The following RBM20 variants were observed in gnomAD, a reference collection of about 807,000 sequenced individuals.
RBM20 encodes RNA-binding protein 20.
RBM20 carries 51 observed loss-of-function variants against 110.1 expected under a neutral mutation model. That is an observed-to-expected ratio of 0.46 (90% confidence interval 0.37 to 0.59). The LOEUF is 0.59. RBM20 is among the 20% of genes least tolerant of loss of function. RBM20 has a pLI of 0.00. For synonymous variants in RBM20, 589 were observed against 618.2 expected (o/e 0.95, Z 0.70); for missense variants, 1,512 against 1,574.9 (o/e 0.96, Z 0.68).
At chr10:110,693,839 G>A (rs1285184068) in intron 1 of RBM20, among the ~76,000 whole-genome samples, 4 of 152,064 alleles carry the variant, frequency 2.6e-5, no homozygotes, top group African/African-American at 9.7e-5. Flanking sequence ...TAGATTACAG[G>A]GCCTCTGTGG....
intron 2 of RBM20, 133 bp downstream of exon 2, chr10:110,782,017 G>T: frequency 9.0e-7 from 1 of 1,106,238 alleles, no homozygotes; most frequent in South Asian, 1.5e-5. Flanking sequence ...CAGTATTCTT[G>T]ACTAAAATCA....
At chr10:110,684,137 G>A (rs939323304) in intron 1 of RBM20, among the ~76,000 whole-genome samples, 12 of 152,240 alleles carry the variant, frequency 7.9e-5, no homozygotes, top group Admixed American at 6.5e-5. Context: ...GCTCATGCCT[G>A]TAATCCCAGC....
intron 10 of RBM20, among the ~76,000 whole-genome samples, chr10:110,820,630 C>T (rs1439784806): frequency 6.6e-6 from 1 of 152,162 alleles, no homozygotes; most frequent in East Asian, 1.9e-4. Context: ...TGAAAAAATC[C>T]AGTTACAGTT....
At chr10:110,789,910 G>C (rs1844463343) in intron 5 of RBM20, among the ~76,000 whole-genome samples, 1 of 152,142 alleles carries the variant, frequency 6.6e-6, no homozygotes, top group Admixed American at 6.5e-5. Flanking sequence ...CAGCCTGTTA[G>C]TAGTTTTTGT....
intron 1 of RBM20, among the ~76,000 whole-genome samples, chr10:110,647,786 T>G (rs532794934): frequency 6.6e-6 from 1 of 152,234 alleles, no homozygotes; most frequent in African/African-American, 2.4e-5. Flanking sequence ...CCTTTATTTA[T>G]AAGAAGTTAT....
In RBM20 at chr10:110,821,588, G is replaced by A. The variant is rs1244868910; in HGVS notation, c.2969G>A (p.Ser990Asn). 2 of 1,550,792 alleles carry A rather than the reference G, an allele frequency of 1.3e-6. No homozygotes were observed. Among genetic ancestry groups the A allele is most frequent in the Admixed American group, 2.0e-5 (1 of 50,982 alleles). ...AGAGAACTGCCCTCTGCTTCCACAA[G>A]CTGTCCCAGTGACATGGACGTGGAA... ...SPRELPSAST[S>N]CPSDMDVEMP... The change falls in exon 11 of 14, where the codon AGC (serine) becomes AAC (asparagine). Residue 990 changes from serine (S) to asparagine (N), a missense_variant. By Grantham distance (46) the Ser-to-Asn change is conservative. This residue lies in a region of RBM20 where 358 missense variants were observed against 384.2 expected (regional missense o/e 0.93). Transcript: ENST00000369519.
At chr10:110,787,514 G>A (rs1844434192) in intron 5 of RBM20, among the ~76,000 whole-genome samples, 1 of 152,216 alleles carries the variant, frequency 6.6e-6, no homozygotes, top group African/African-American at 2.4e-5. Flanking sequence ...CCGAGTCTTG[G>A]TATCAGTGTT....
At chr10:110,646,370 A>G (rs2134796628) in intron 1 of RBM20, among the ~76,000 whole-genome samples, 1 of 152,318 alleles carries the variant, frequency 6.6e-6, no homozygotes, top group East Asian at 1.9e-4. Flanking sequence ...TACCCTCTAA[A>G]TTCATCCCCC....
chr10:110,835,767 G>C, intron 13 of RBM20, 101 bp from the exon 14 acceptor site: 1 of 1,229,600 alleles, frequency 8.1e-7, no homozygotes, highest in Non-Finnish European at 1.1e-6. Flanking sequence ...GCTGGGCACA[G>C]ATGCCAGGAG....
In RBM20 at chr10:110,831,467, T is replaced by A. The variant is rs535641807; in HGVS notation, c.3573+285T>A. 7.8e-5 allele frequency: 23 copies of A among 294,564 alleles called. No individual in the cohort carries two copies. In the South Asian group the frequency reaches 1.4e-3, roughly 18 times the overall value. 18.2% of individuals were successfully genotyped at this position (294,564 alleles called of 1,614,324 possible). On this transcript the variant is annotated intron_variant, in intron 13 of 13. Transcript: ENST00000369519. ...TACCTCCTGTGTTGCTCCTAGCACA[T>A]GTCTCTACTTTAATACCTAAAACAT...
intron 1 of RBM20, among the ~76,000 whole-genome samples, chr10:110,692,038 A>G (rs982148642): frequency 7.9e-5 from 12 of 152,266 alleles, no homozygotes; most frequent in Admixed American, 7.9e-4. Context: ...TGCTTTCCCC[A>G]TTGAATGGCC....
chr10:110,821,194 T>A, intron 10 of RBM20, 81 bp from the exon 11 acceptor site: 1 of 1,153,350 alleles, frequency 8.7e-7, no homozygotes, highest in Non-Finnish European at 1.2e-6. Context: ...CTGATTTGAG[T>A]GGTCCTTATG....
chr10:110,676,431 G>A (rs1206625917), intron 1 of RBM20, among the ~76,000 whole-genome samples: 1 of 152,144 alleles, frequency 6.6e-6, no homozygotes, highest in Non-Finnish European at 1.5e-5. Flanking sequence ...TAGACAACAT[G>A]CATAAAAGGA....
chr10:110,701,180 AT>A (rs1340981041), intron 1 of RBM20, among the ~76,000 whole-genome samples: 1 of 152,030 alleles, frequency 6.6e-6, no homozygotes, highest in Non-Finnish European at 1.5e-5. Flanking sequence ...CGGGGGTTCC[AT>A]TTTCCTGGTG....
chr10:110,723,063 G>T (rs1004241066), intron 1 of RBM20, among the ~76,000 whole-genome samples: 3 of 149,626 alleles, frequency 2.0e-5, no homozygotes, highest in Non-Finnish European at 4.4e-5. Flanking sequence ...AGTGAGCCGA[G>T]ATCACCTCAC....
Position 110,821,464 on chromosome 10 carries a change from G to T in RBM20, c.2845G>T (p.Val949Leu), listed in dbSNP as rs1844908453. ...DKICPETCLCVTTTLDLDLAQ... is the reference protein window; with the variant it reads ...DKICPETCLCLTTTLDLDLAQ... ...AATTTGCCCAGAAACATGTCTGTGT[G>T]TGACAACCACCTTAGACTTAGACCT... Residue 949 changes from valine (V) to leucine (L), a missense_variant, in exon 11 of 14, where the codon GTG (valine) becomes TTG (leucine). Physicochemically the swap from Val to Leu is conservative, Grantham distance 32. This residue lies in a region of RBM20 where 358 missense variants were observed against 384.2 expected (regional missense o/e 0.93). Transcript: ENST00000369519. 1 of 1,551,874 alleles carries T rather than the reference G, an allele frequency of 6.4e-7. No homozygotes were observed. Among genetic ancestry groups the T allele is most frequent in the African/African-American group, 1.4e-5 (1 of 73,184 alleles).
intron 1 of RBM20, among the ~76,000 whole-genome samples, chr10:110,666,787 A>ACAAT (rs746467890): frequency 1.3e-5 from 2 of 152,218 alleles, no homozygotes; most frequent in African/African-American, 2.4e-5. Flanking sequence ...AAACTATTGT[A>ACAAT]GGATTGTTTA....
Position 110,644,623 on chromosome 10 carries a change from G to A in RBM20, c.169G>A (p.Gly57Ser), listed in dbSNP as rs1395898788. 9.7e-6 allele frequency: 13 copies of A among 1,338,476 alleles called. No individual in the cohort carries two copies. In the East Asian group the frequency reaches 1.3e-4, roughly 13 times the overall value. The allele number at this position is 1,338,476 out of a possible 1,614,324, so 82.9% of individuals were successfully genotyped here. A position where few individuals can be genotyped will look rare whatever the true frequency, so the allele number is the denominator to read the frequency against. ...PPQPPPPPQA[G>S]LPQIIQNAAK... is the part of the protein sequence containing the mutation. ...CCAGCCACCGCCCCCGCCCCAAGCCGGCCTACCCCAGATCATCCAAAAGTA... is the reference window on the plus strand; with the variant it reads ...CCAGCCACCGCCCCCGCCCCAAGCCAGCCTACCCCAGATCATCCAAAAGTA... The change falls in exon 1 of 14, where the codon GGC becomes AGC. Residue 57 changes from glycine to serine, a missense_variant. Physicochemically the swap from Gly to Ser is moderately conservative, Grantham distance 56. Around this residue, in one of 3 missense-constraint regions of RBM20, gnomAD observed 1,149 missense variants for 1,169.4 expected, o/e 0.98. Transcript: ENST00000369519. This position sits in a 1 kb window ranked among gnomAD's most constrained non-coding sequence, Gnocchi z 4.3.
rs189645207 is a variant in RBM20 at position 110,786,841 on chromosome 10, G to T, written c.1527+1952G>T. On this transcript the variant is annotated intron_variant, in intron 5 of 13. Transcript: ENST00000369519. The stretch of plus-strand genomic sequence containing the variant: ...GGGAGGCTGGATTGAGTGTCAGGTG[G>T]GCAGGGGGCAGGGCTTGTAAATTGA... Among the ~76,000 whole-genome samples the T allele has an allele frequency of 3.6e-3, 542 of 152,334 alleles. 2 individuals carry two copies. The highest frequency in any genetic ancestry group is 0.013 in the African/African-American group (522 of 41,572).
Sources: allele counts gnomAD v4.1 joint callset (sites outside exome capture counted in the v4.1 genomes callset), GRCh38; gene constraint gnomAD v4.1.1; regional missense constraint gnomAD v4.1.1; non-coding constraint Gnocchi (gnomAD v3.1); transcripts MANE v1.5; gene names NCBI Gene and HGNC (gene_info 2026-07-23, HGNC 2026-07-21).